AASS: variants seen among roughly 807,000 people sequenced by gnomAD.
AASS encodes aminoadipate-semialdehyde synthase.
In AASS, 86 loss-of-function variants were observed where a neutral mutation model predicts 105.4. The ratio of observed to expected loss-of-function variants is 0.82; its 90% confidence interval spans 0.69 to 0.98. The LOEUF (loss-of-function observed/expected upper bound fraction) is 0.98. AASS is among the 50% of genes least tolerant of loss of function. AASS has a pLI of 0.00. For synonymous variants in AASS, 381 were observed against 394.8 expected (o/e 0.96, Z 0.41); for missense variants, 1,048 against 1,143.2 (o/e 0.92, Z 1.20).
intron 20 of AASS, among the ~76,000 whole-genome samples, chr7:122,080,841 G>T (rs963080756): frequency 7.9e-5 from 12 of 152,062 alleles, no homozygotes; most frequent in Admixed American, 5.9e-4. Flanking sequence ...TAGCAACATT[G>T]GTCCTTTTCT....
chr7:122,129,393 T>C lies in AASS; in HGVS notation c.355A>G (p.Asn119Asp). The C allele has an allele frequency of 6.2e-7, 1 of 1,611,850 alleles. No homozygotes were observed. The highest frequency in any genetic ancestry group is 2.2e-5 in the East Asian group (1 of 44,746). The change falls in exon 3 of 24, where the codon AAT becomes GAT. Residue 119 changes from asparagine (N) to aspartate (D), a missense_variant. By Grantham distance (23) the Asn-to-Asp change is conservative. Transcript: ENST00000417368. ...AGAATCTCATCCAACAAGCCCATAT[T>C]GGCCTCCTGAGCTTTTATTGTGTGG... ...FSHTIKAQEA[N>D]MGLLDEILKQ...
intron 22 of AASS, among the ~76,000 whole-genome samples, chr7:122,078,387 G>C (rs1793135518): frequency 6.6e-6 from 1 of 152,102 alleles, no homozygotes; most frequent in Non-Finnish European, 1.5e-5. Flanking sequence ...GCTAAGGTGG[G>C]CGGATCACGA....
intron 15 of AASS, among the ~76,000 whole-genome samples, chr7:122,096,731 T>C (rs1170562745): frequency 1.3e-5 from 2 of 152,120 alleles, no homozygotes; most frequent in Non-Finnish European, 2.9e-5. Context: ...ACATTAAATA[T>C]AAAACAGTTT....
At chr7:122,109,944 A>G (rs1427916015) in intron 11 of AASS, among the ~76,000 whole-genome samples, 1 of 152,050 alleles carries the variant, frequency 6.6e-6, no homozygotes, top group Non-Finnish European at 1.5e-5. Flanking sequence ...AATATACAAG[A>G]AAGTCAAAGA....
At chr7:122,128,329 C>T (rs1795749890) in intron 3 of AASS, among the ~76,000 whole-genome samples, 1 of 152,176 alleles carries the variant, frequency 6.6e-6, no homozygotes, top group Admixed American at 6.5e-5. Context: ...ACATGGTGTA[C>T]TCTAACCCCA....
chr7:122,132,925 G>A (rs1437731927), intron 2 of AASS, among the ~76,000 whole-genome samples: 2 of 152,112 alleles, frequency 1.3e-5, no homozygotes, highest in Non-Finnish European at 2.9e-5. Context: ...AAAGGCATTT[G>A]AGGCAATGGG....
intron 19 of AASS, among the ~76,000 whole-genome samples, chr7:122,084,548 CACTT>C (rs1191718893): frequency 1.1e-4 from 16 of 152,022 alleles, no homozygotes. Flanking sequence ...TGCATGATCT[CACTT>C]ACATGCAGAA....
In AASS at chr7:122,074,022, A is replaced by C. The variant is rs886320980; in HGVS notation, c.*2467T>G. On this transcript the variant is annotated 3_prime_UTR_variant, in exon 24 of 24. Coordinates refer to ENST00000417368, the MANE Select transcript of AASS (RefSeq NM_005763.4). ...CTGTTTCAATTTTGGGCTATTATAA[A>C]TAATGCTGCAAAGAACATCTGTGCA... 2.6e-5 allele frequency among the ~76,000 whole-genome samples: 4 copies of C among 152,094 alleles called. No individual in the cohort carries two copies. Among genetic ancestry groups the C allele is most frequent in the Non-Finnish European group, 5.9e-5 (4 of 68,036 alleles).
In AASS at chr7:122,113,124, T is replaced by C. The variant is rs1474920555; in HGVS notation, c.1272A>G (p.Glu424=). 3 of 1,613,508 alleles carry C rather than the reference T, an allele frequency of 1.9e-6. No individual in the cohort carries two copies. Among genetic ancestry groups the C allele is most frequent in the South Asian group, 1.1e-5 (1 of 91,080 alleles). The part of the protein sequence containing the change: ...CFGDMLYPYV[E]EMILSDATQP... ...ATATTACCAGTCTGCTTACCATTTC[T>C]TCAACATAAGGGTAAAGCATGTCTC... The change falls in exon 11 of 24, where the codon GAA becomes GAG. Residue 424 remains glutamate, a synonymous_variant. Transcript: ENST00000417368.
intron 9 of AASS, 31 bp downstream of exon 9, chr7:122,115,043 A>T: frequency 1.9e-6 from 3 of 1,614,102 alleles, no homozygotes; most frequent in Non-Finnish European, 2.5e-6. Context: ...GCTGGTCAAA[A>T]CTACTATCGT....
chr7:122,126,864 C>A (rs561377425), intron 3 of AASS, among the ~76,000 whole-genome samples: 1 of 152,274 alleles, frequency 6.6e-6, no homozygotes, highest in African/African-American at 2.4e-5. Flanking sequence ...TAGATCCCAG[C>A]TTCTCTCATG....
intron 11 of AASS, among the ~76,000 whole-genome samples, chr7:122,103,899 T>A (rs1794545106): frequency 6.6e-6 from 1 of 152,122 alleles, no homozygotes; most frequent in South Asian, 2.1e-4. Context: ...TAGTCTATTA[T>A]AACTATAAGA....
intron 11 of AASS, among the ~76,000 whole-genome samples, chr7:122,109,337 C>T (rs1271358424): frequency 2.7e-5 from 4 of 150,282 alleles, no homozygotes; most frequent in Non-Finnish European, 5.9e-5. Flanking sequence ...GACCCCAAAT[C>T]GTCACACAAT....
intron 21 of AASS, chr7:122,079,235 T>C: frequency 7.3e-7 from 1 of 1,368,384 alleles, no homozygotes. Context: ...AATTTATAGG[T>C]TAGTTCTCCA....
rs780164559 is a variant in AASS at position 122,113,716 on chromosome 7, C to A, written c.1048G>T (p.Val350Leu). Residue 350 changes from valine to leucine, a missense_variant, in exon 10 of 24, where the codon GTG (valine) becomes TTG (leucine). Transcript: ENST00000417368. ...TCAGCTGAAATGTCACATATTGCCA[C>A]GAGTCTGAAAATAACATCAATACTT... is the stretch of plus-strand genomic sequence containing the variant. Reference protein sequence around the residue: ...EGCPALPHKLVAICDISADTG... With the variant: ...EGCPALPHKLLAICDISADTG... The A allele has an allele frequency of 6.2e-7, 1 of 1,612,260 alleles. No homozygotes were observed. Among genetic ancestry groups the A allele is most frequent in the African/African-American group, 1.3e-5 (1 of 74,744 alleles).
chr7:122,104,738 A>C (rs901706129), intron 11 of AASS, among the ~76,000 whole-genome samples: 2 of 152,128 alleles, frequency 1.3e-5, no homozygotes, highest in African/African-American at 4.8e-5. Context: ...GTACACATGG[A>C]CACAAAGAAG....
intron 1 of AASS, among the ~76,000 whole-genome samples, chr7:122,139,188 C>G (rs1182637652): frequency 5.3e-5 from 8 of 152,060 alleles, no homozygotes; most frequent in Admixed American, 4.6e-4. Flanking sequence ...ATAGAGTTAT[C>G]AAAATAAAAT....
intron 1 of AASS, among the ~76,000 whole-genome samples, chr7:122,141,695 C>G: frequency 7.0e-6 from 1 of 142,222 alleles, no homozygotes; most frequent in African/African-American, 2.6e-5. Flanking sequence ...ACTTGATTCT[C>G]TTCCAAGATC....
intron 1 of AASS, among the ~76,000 whole-genome samples, chr7:122,138,881 A>G (rs1457360095): frequency 3.9e-5 from 6 of 152,112 alleles, no homozygotes; most frequent in Non-Finnish European, 8.8e-5. Context: ...TACACATCCC[A>G]TTTTCTTTCA....
Sources: gnomAD v4.1 joint callset for allele counts (sites outside exome capture counted in the v4.1 genomes callset) on GRCh38, gnomAD v4.1.1 for gene constraint, MANE v1.5 for transcripts, NCBI Gene and HGNC (gene_info 2026-07-23, HGNC 2026-07-21) for gene names.